The following EDNRB variants were observed in gnomAD, a reference collection of about 807,000 sequenced individuals.
EDNRB encodes endothelin receptor type B.
EDNRB carries 18 observed loss-of-function variants against 46.4 expected under a neutral mutation model. That is an observed-to-expected ratio of 0.39 (90% CI 0.27 to 0.57). The LOEUF (loss-of-function observed/expected upper bound fraction) is 0.57, where lower values mean the gene tolerates loss of function less well. Ranked by LOEUF, EDNRB falls within the 20% of genes least tolerant of loss-of-function variation. The pLI is 0.61. For missense variants in EDNRB, 434 were observed against 537.5 expected (o/e 0.81, Z 1.90); for synonymous variants, 213 against 204.9 (o/e 1.04, Z -0.34).
At chr13:77,972,468 T>C (rs1157839480) in intron 1 of EDNRB, among the ~76,000 whole-genome samples, 1 of 152,206 alleles carries the variant, frequency 6.6e-6, no homozygotes, top group Admixed American at 6.5e-5. Context: ...AGTTCATCCT[T>C]GCTCTTTAGT....
intron 1 of EDNRB, among the ~76,000 whole-genome samples, chr13:77,911,247 T>A (rs907350378): frequency 2.6e-5 from 4 of 152,068 alleles, no homozygotes; most frequent in African/African-American, 7.2e-5. Flanking sequence ...GAGGGCCTCC[T>A]GGCTCAGAAC....
chr13:77,937,629 G>T (rs1283597521), intron 1 of EDNRB, among the ~76,000 whole-genome samples: 1 of 152,194 alleles, frequency 6.6e-6, no homozygotes, highest in Non-Finnish European at 1.5e-5. Context: ...TTGTTGGGCA[G>T]GTGGGGGAAG....
At chr13:77,954,868 G>GA (rs1881192368) in intron 1 of EDNRB, among the ~76,000 whole-genome samples, 6 of 151,960 alleles carry the variant, frequency 3.9e-5, no homozygotes, top group Admixed American at 3.9e-4. Flanking sequence ...TCCTTCATTT[G>GA]TAATGGACAT....
intron 1 of EDNRB, among the ~76,000 whole-genome samples, chr13:77,917,752 G>C (rs1417860425): frequency 6.6e-6 from 1 of 152,200 alleles, no homozygotes; most frequent in Non-Finnish European, 1.5e-5. Flanking sequence ...CTCCACTCCA[G>C]AGTTTCTGAT....
chr13:77,918,545 C>T lies in EDNRB; in HGVS notation c.29G>A (p.Arg10His). The change falls in exon 1 of 7, where the codon CGC becomes CAC. Residue 10 changes from arginine to histidine, a missense_variant. Coordinates refer to ENST00000646607, the MANE Select transcript of EDNRB (RefSeq NM_001122659.3). The surrounding 1 kb of genome is among the most constrained non-coding windows in gnomAD (Gnocchi z 4.5). The stretch of plus-strand genomic sequence containing the variant: ...GGCAAGAACCAGCGCAACCAGGGCG[C>T]GTCCGCACAGACTTGGAGGCGGCTG... MQPPPSLCG[R>H]ALVALVLACG... 6.3e-7 allele frequency: 1 copy of T among 1,596,788 alleles called. No homozygotes were observed. The highest frequency in any genetic ancestry group is 8.5e-7 in the Non-Finnish European group (1 of 1,174,184).
At chr13:77,931,744 C>CAAAAAAAAAAAAAAAAAAAAAAA (rs67176737) in intron 1 of EDNRB, among the ~76,000 whole-genome samples, 178 of 83,150 alleles carry the variant, frequency 2.1e-3, no homozygotes, top group Middle Eastern at 9.6e-3. Context: ...ACTGTAGTAG[C>CAAAAAAAAAAAAAAAAAAAAAAA]AAAAAAAAAA....
At chr13:77,952,924 G>C (rs1881133816) in intron 1 of EDNRB, among the ~76,000 whole-genome samples, 1 of 152,126 alleles carries the variant, frequency 6.6e-6, no homozygotes, top group Admixed American at 6.6e-5. Flanking sequence ...TTGTACAAGG[G>C]ACAATGACTG....
intron 5 of EDNRB, 74 bp from the exon 6 acceptor site, chr13:77,900,041 T>G: frequency 2.3e-6 from 3 of 1,308,102 alleles, no homozygotes. Context: ...GCTTCTGTGC[T>G]TTTGTAAGGA....
At chr13:77,966,270 C>A in intron 1 of EDNRB, among the ~76,000 whole-genome samples, 1 of 152,098 alleles carries the variant, frequency 6.6e-6, no homozygotes, top group Admixed American at 6.6e-5. Context: ...ACAGGAATTC[C>A]TTGGCTTACT....
In EDNRB at chr13:77,900,614, A is replaced by G. The variant is rs1878915854; in HGVS notation, c.992T>C (p.Val331Ala). 6.2e-7 allele frequency: 1 copy of G among 1,612,466 alleles called. No homozygotes were observed. Among genetic ancestry groups the G allele is most frequent in the Admixed American group, 1.7e-5 (1 of 59,808 alleles). ...AAGGGGAAGCCAGCAGAGGGCAAAG[A>G]CAAGGACCAGGCAAAAGACGGTTTT... The part of the protein sequence containing the change: ...VAKTVFCLVL[V>A]FALCWLPLHL... The change falls in exon 5 of 7, where the codon GTC (valine) becomes GCC (alanine). Residue 331 changes from valine (V) to alanine (A), a missense_variant. Transcript: ENST00000646607.
upstream of EDNRB, chr13:77,919,118 T>C (rs919735938): frequency 4.0e-6 from 2 of 498,752 alleles, no homozygotes; most frequent in Non-Finnish European, 6.6e-6. Context: ...CGCTACTCCC[T>C]GGCTGGCTGA....
At chr13:77,919,026 G>A, upstream of EDNRB, 1 of 642,224 alleles carries the variant, frequency 1.6e-6, no homozygotes, top group Non-Finnish European at 2.1e-6. Flanking sequence ...AAGGGCTTGT[G>A]TCAAGCTCTG....
intron 3 of EDNRB, among the ~76,000 whole-genome samples, chr13:77,901,938 T>G (rs1431959674): frequency 6.6e-6 from 1 of 151,978 alleles, no homozygotes; most frequent in Non-Finnish European, 1.5e-5. Context: ...CCTTATATAT[T>G]CAATAGAAAA....
intron 6 of EDNRB, 46 bp downstream of exon 6, chr13:77,899,813 T>C: frequency 7.1e-7 from 1 of 1,416,500 alleles, no homozygotes; most frequent in Non-Finnish European, 1.0e-6. Flanking sequence ...AAGCTTATAT[T>C]TGAGCCATAT....
chr13:77,961,738 AAC>A (rs1252626407), intron 1 of EDNRB, among the ~76,000 whole-genome samples: 31 of 152,220 alleles, frequency 2.0e-4, no homozygotes, highest in African/African-American at 7.2e-4. Context: ...AACAAGAGCA[AAC>A]ACATTCAAAA....
At chr13:77,948,512 A>C (rs1426893045) in intron 1 of EDNRB, among the ~76,000 whole-genome samples, 1 of 152,212 alleles carries the variant, frequency 6.6e-6, no homozygotes, top group African/African-American at 2.4e-5. Context: ...GTTTTCATAT[A>C]CTAGTGGTCT....
chr13:77,934,365 G>C (rs187585784), intron 1 of EDNRB, among the ~76,000 whole-genome samples: 133 of 152,250 alleles, frequency 8.7e-4, no homozygotes, highest in South Asian at 8.7e-3. Context: ...CCTGAAGACT[G>C]AGGACCGTAA....
chr13:77,898,610 A>G (rs1297263679), intron 6 of EDNRB, among the ~76,000 whole-genome samples: 1 of 151,978 alleles, frequency 6.6e-6, no homozygotes, highest in Non-Finnish European at 1.5e-5. Context: ...TGGTTATTTG[A>G]TAATATTTGA....
At chr13:77,943,011 G>C (rs1197477672) in intron 1 of EDNRB, among the ~76,000 whole-genome samples, 1 of 152,052 alleles carries the variant, frequency 6.6e-6, no homozygotes, top group Non-Finnish European at 1.5e-5. Context: ...GAAACGTTTA[G>C]CCTGCCATTT....
Sources: allele counts gnomAD v4.1 joint callset (sites outside exome capture counted in the v4.1 genomes callset), GRCh38; gene constraint gnomAD v4.1.1; non-coding constraint Gnocchi (gnomAD v3.1); transcripts MANE v1.5; gene names NCBI Gene and HGNC (gene_info 2026-07-23, HGNC 2026-07-21).